Variants in AKAP13 observed in about 807,000 individuals in gnomAD.
AKAP13 encodes the protein A-kinase anchoring protein 13, also known as A-kinase anchor protein 13.
A neutral mutation model predicts 264.5 loss-of-function variants in AKAP13; 80 were observed. The observed-to-expected ratio is 0.30, with a 90% confidence interval of 0.25 to 0.36. The LOEUF (loss-of-function observed/expected upper bound fraction) is 0.36. AKAP13 is among the 10% of genes least tolerant of loss of function. The pLI, the probability that AKAP13 is intolerant of heterozygous loss-of-function variation, is 1.00. For missense variants in AKAP13, 3,712 were observed against 3,435.2 expected (o/e 1.08, Z -2.01); for synonymous variants, 1,380 against 1,250.2 (o/e 1.10, Z -2.19).
chr15:85,577,792 C>T (rs1473410447), intron 6 of AKAP13: 3 of 985,040 alleles, frequency 3.0e-6, no homozygotes, highest in Non-Finnish European at 3.6e-6. Context: ...GCCACTGTTC[C>T]TGAAATTATG....
In AKAP13 at chr15:85,580,542, G is replaced by C; in HGVS notation, c.2474G>C (p.Arg825Thr). Residue 825 changes from arginine to threonine, a missense_variant, in exon 7 of 37, where the codon AGA (arginine) becomes ACA (threonine). By Grantham distance (71) the Arg-to-Thr change is moderately conservative. Coordinates refer to ENST00000394518, the MANE Select transcript of AKAP13 (RefSeq NM_007200.5). ...TPELHTATDY[R>T]DGPDGNSNEP... is the part of the protein sequence containing the mutation. ...GAACTACATACAGCTACAGATTATA[G>C]AGATGGCCCAGATGGAAATTCGAAT... 3 of 1,614,204 alleles carry C rather than the reference G, an allele frequency of 1.9e-6. No homozygotes were observed. The highest frequency in any genetic ancestry group is 2.5e-6 in the Non-Finnish European group (3 of 1,180,032).
At position 85,423,475 on chromosome 15, in the gene AKAP13, C is replaced by T. The variant is rs139566810; in HGVS notation, c.-12+42677C>T. On this transcript the variant is annotated intron_variant, in intron 1 of 36. Transcript: ENST00000394518. ...GCTCATTCCTTAAGAAGCAACCTGC[C>T]ATCTGTTCAAGTTTTATCATGAGAT... 8.2e-4 allele frequency among the ~76,000 whole-genome samples: 125 copies of T among 152,300 alleles called. 1 individual carries two copies. The highest frequency in any genetic ancestry group is 2.8e-3 in the African/African-American group (115 of 41,566).
chr15:85,698,779 A>G (rs2085722210), intron 17 of AKAP13, among the ~76,000 whole-genome samples: 1 of 151,460 alleles, frequency 6.6e-6, no homozygotes. Context: ...CCCCGTCTCT[A>G]CTAAAAATAC....
At chr15:85,709,655 G>T (rs2086515921) in intron 18 of AKAP13, among the ~76,000 whole-genome samples, 1 of 122,956 alleles carries the variant, frequency 8.1e-6, no homozygotes, top group African/African-American at 2.9e-5. Context: ...AACCTAAAAG[G>T]GGGAATTTTA....
intron 8 of AKAP13, among the ~76,000 whole-genome samples, chr15:85,615,686 G>A (rs2080904854): frequency 6.6e-6 from 1 of 152,070 alleles, no homozygotes; most frequent in South Asian, 2.1e-4. Context: ...GAAGAACAAA[G>A]GTAGAAAGTG....
chr15:85,556,062 G>A (rs1029116886), intron 5 of AKAP13, among the ~76,000 whole-genome samples: 8 of 152,112 alleles, frequency 5.3e-5, no homozygotes, highest in Non-Finnish European at 1.0e-4. Context: ...GTGGAAGGAG[G>A]CACATAAGTT....
intron 1 of AKAP13, among the ~76,000 whole-genome samples, chr15:85,451,836 A>G (rs887336806): frequency 1.3e-5 from 2 of 152,170 alleles, no homozygotes; most frequent in Non-Finnish European, 2.9e-5. Context: ...TCTGACAATT[A>G]TGTGTCTTGA....
At position 85,628,204 on chromosome 15, in the gene AKAP13, G is replaced by C. The variant is rs140952782; in HGVS notation, c.4162-11170G>C. On this transcript the variant is annotated intron_variant, in intron 8 of 36. Coordinates refer to ENST00000394518, the MANE Select transcript of AKAP13 (RefSeq NM_007200.5). ...AAGCCTTCGTAACCCAAGGCATTTT[G>C]TGTTAAAATTATACTTATAAACCGT... 1.9e-4 allele frequency among the ~76,000 whole-genome samples: 29 copies of C among 152,278 alleles called. No homozygotes were observed. The East Asian group carries it at 5.0e-3, about 26-fold the overall frequency.
At chr15:85,523,805 C>T (rs1379128499) in intron 3 of AKAP13, among the ~76,000 whole-genome samples, 1 of 149,370 alleles carries the variant, frequency 6.7e-6, no homozygotes, top group Non-Finnish European at 1.5e-5. Flanking sequence ...TAACCCCCCT[C>T]CCCGCCCCCC....
chr15:85,678,753 C>T (rs536736105), intron 14 of AKAP13, among the ~76,000 whole-genome samples: 1 of 152,068 alleles, frequency 6.6e-6, no homozygotes, highest in African/African-American at 2.4e-5. Flanking sequence ...CCTGTAGTCG[C>T]AGTTACTTGG....
At chr15:85,548,330 G>A (rs2077826466) in intron 5 of AKAP13, among the ~76,000 whole-genome samples, 1 of 152,142 alleles carries the variant, frequency 6.6e-6, no homozygotes, top group South Asian at 2.1e-4. Flanking sequence ...TTTAGTGTAT[G>A]CAATATGAAA....
chr15:85,441,628 A>G (rs1404575787), intron 1 of AKAP13, among the ~76,000 whole-genome samples: 3 of 152,082 alleles, frequency 2.0e-5, no homozygotes, highest in Admixed American at 2.0e-4. Flanking sequence ...TAGATATTTC[A>G]TAGTTTATTT....
intron 1 of AKAP13, among the ~76,000 whole-genome samples, chr15:85,433,347 T>C (rs947471611): frequency 1.3e-5 from 2 of 152,170 alleles, no homozygotes; most frequent in African/African-American, 2.4e-5. Context: ...TTAAATTTTA[T>C]CCAAAATGCT....
At chr15:85,602,534 T>G (rs957903768) in intron 8 of AKAP13, among the ~76,000 whole-genome samples, 2 of 152,096 alleles carry the variant, frequency 1.3e-5, no homozygotes, top group Non-Finnish European at 2.9e-5. Context: ...TCACCCAGGC[T>G]GGAGTGCAGT....
chr15:85,696,560 G>T (rs564645176), intron 17 of AKAP13, among the ~76,000 whole-genome samples: 1 of 152,256 alleles, frequency 6.6e-6, no homozygotes, highest in African/African-American at 2.4e-5. Context: ...CAGTGTGCCA[G>T]TTCTTCTTTT....
At chr15:85,529,982 T>C (rs1277854517) in intron 3 of AKAP13, among the ~76,000 whole-genome samples, 1 of 152,208 alleles carries the variant, frequency 6.6e-6, no homozygotes, top group African/African-American at 2.4e-5. Context: ...GGATTAACAA[T>C]TGGACAGTTT....
intron 8 of AKAP13, among the ~76,000 whole-genome samples, chr15:85,631,329 G>C (rs559740298): frequency 1.3e-5 from 2 of 152,208 alleles, no homozygotes; most frequent in South Asian, 4.2e-4. Context: ...TTTTTGTCAA[G>C]ATAAAAATGT....
intron 8 of AKAP13, among the ~76,000 whole-genome samples, chr15:85,615,826 G>A (rs369612515): frequency 1.3e-5 from 2 of 152,168 alleles, no homozygotes; most frequent in East Asian, 1.9e-4. Flanking sequence ...CAGACTGGCA[G>A]TATATAATAT....
At chr15:85,591,216 A>T (rs1472628133) in intron 8 of AKAP13, among the ~76,000 whole-genome samples, 1 of 19,210 alleles carries the variant, frequency 5.2e-5, no homozygotes, top group Non-Finnish European at 9.4e-5. Flanking sequence ...CCCAATTTCT[A>T]TGTGAATAAT....
Sources: gnomAD v4.1 joint callset for allele counts (sites outside exome capture counted in the v4.1 genomes callset) on GRCh38, gnomAD v4.1.1 for gene constraint, MANE v1.5 for transcripts, NCBI Gene and HGNC (gene_info 2026-07-23, HGNC 2026-07-21) for gene names.